PDE8A: variants seen among roughly 807,000 people sequenced by gnomAD.
The protein encoded by PDE8A is high affinity cAMP-specific and IBMX-insensitive 3',5'-cyclic phosphodiesterase 8A.
PDE8A carries 59 observed loss-of-function variants against 105.0 expected under a neutral mutation model. The ratio of observed to expected loss-of-function variants is 0.56; its 90% CI spans 0.46 to 0.70. The LOEUF is 0.70. Among genes scored for constraint, PDE8A ranks in the 30% least tolerant of loss-of-function variants. The pLI, the probability that PDE8A is intolerant of heterozygous loss-of-function variation, is 0.00. For missense variants in PDE8A, 1,014 were observed against 1,045.9 expected (o/e 0.97, Z 0.42); for synonymous variants, 355 against 371.9 (o/e 0.95, Z 0.52).
Position 85,051,783 on chromosome 15 carries a change from C to T in PDE8A, c.187-12587C>T, listed in dbSNP as rs1321105125. On this transcript the variant is annotated intron_variant, in intron 1 of 21. Transcript: ENST00000394553. ...GCTCCATCCGTGTTTGTGCAAAGGA[C>T]GTGATCGTTTTCCTTTTTATGGCTG... Among the ~76,000 whole-genome samples the T allele has an allele frequency of 5.3e-5, 8 of 151,972 alleles. No homozygotes were observed. The East Asian group carries it at 1.5e-3, about 29-fold the overall frequency.
intron 1 of PDE8A, among the ~76,000 whole-genome samples, chr15:84,986,845 C>A (rs2079810563): frequency 6.6e-6 from 1 of 152,118 alleles, no homozygotes; most frequent in Admixed American, 6.5e-5. Flanking sequence ...AACTCCTGGG[C>A]TCCTGTGATT....
At chr15:85,013,563 C>A (rs1026529981) in intron 1 of PDE8A, among the ~76,000 whole-genome samples, 2 of 152,168 alleles carry the variant, frequency 1.3e-5, no homozygotes, top group Non-Finnish European at 2.9e-5. Flanking sequence ...TGTAATTACT[C>A]AACTTAGTAT....
At chr15:85,066,809 T>C (rs977122755) in intron 2 of PDE8A, among the ~76,000 whole-genome samples, 2 of 151,990 alleles carry the variant, frequency 1.3e-5, no homozygotes, top group African/African-American at 4.8e-5. Context: ...CATGGTGGCA[T>C]GTGCCTGTGG....
intron 1 of PDE8A, among the ~76,000 whole-genome samples, chr15:85,021,412 C>A (rs2080424319): frequency 6.6e-6 from 1 of 151,902 alleles, no homozygotes; most frequent in African/African-American, 2.4e-5. Context: ...GCATGGTGGC[C>A]TTTGCCCGTA....
At chr15:85,092,899 A>G (rs1002035604) in intron 8 of PDE8A, among the ~76,000 whole-genome samples, 2 of 145,860 alleles carry the variant, frequency 1.4e-5, no homozygotes, top group East Asian at 2.1e-4. Context: ...TCATCAAATT[A>G]TTGACCCCTA....
chr15:85,013,935 C>G (rs1397719632), intron 1 of PDE8A, among the ~76,000 whole-genome samples: 3 of 152,136 alleles, frequency 2.0e-5, no homozygotes, highest in Non-Finnish European at 4.4e-5. Flanking sequence ...CAGGGCTGCT[C>G]AGGTACCCGC....
At chr15:85,083,234 C>T (rs530128378) in intron 5 of PDE8A, among the ~76,000 whole-genome samples, 34 of 152,296 alleles carry the variant, frequency 2.2e-4, no homozygotes, top group African/African-American at 7.9e-4. Context: ...TCCTCCTCCA[C>T]ATGTTCTAGC....
chr15:85,086,408 A>G (rs575923099), intron 6 of PDE8A, among the ~76,000 whole-genome samples: 1 of 152,260 alleles, frequency 6.6e-6, no homozygotes, highest in Non-Finnish European at 1.5e-5. Context: ...CTAACTGGGA[A>G]AAATATGTTT....
intron 1 of PDE8A, among the ~76,000 whole-genome samples, chr15:85,014,475 G>C (rs1218723754): frequency 6.6e-6 from 1 of 152,128 alleles, no homozygotes; most frequent in Non-Finnish European, 1.5e-5. Flanking sequence ...ATAAATGCTT[G>C]TTTCTTGTTC....
intron 1 of PDE8A, among the ~76,000 whole-genome samples, chr15:85,010,776 G>C (rs1352537895): frequency 6.6e-6 from 1 of 152,152 alleles, no homozygotes; most frequent in African/African-American, 2.4e-5. Context: ...ACATTTTTGA[G>C]ATAATAGTGA....
rs1293556649 is a variant in PDE8A at position 85,120,778 on chromosome 15, A to G, written c.1735-19A>G. On this transcript the variant is annotated intron_variant, in intron 17 of 21. Transcript: ENST00000394553. ...CTTCAGTGTCATACCCCAGTTTTTAAAAGCTCTCTTGTTTTCAGGAAACTT... is the reference window on the plus strand; with the variant it reads ...CTTCAGTGTCATACCCCAGTTTTTAGAAGCTCTCTTGTTTTCAGGAAACTT... 6.4e-7 allele frequency: 1 copy of G among 1,552,264 alleles called. No individual in the cohort carries two copies. Among genetic ancestry groups the G allele is most frequent in the Admixed American group, 1.9e-5 (1 of 53,486 alleles).
chr15:84,997,693 A>G (rs1418202745), intron 1 of PDE8A, among the ~76,000 whole-genome samples: 1 of 152,020 alleles, frequency 6.6e-6, no homozygotes, highest in Non-Finnish European at 1.5e-5. Flanking sequence ...CCCAGGTTCA[A>G]GCAATTCTCC....
intron 1 of PDE8A, chr15:85,062,446 TA>T (rs2081161338): frequency 6.6e-6 from 1 of 152,180 alleles, no homozygotes; most frequent in Admixed American, 6.5e-5. Context: ...TCAAAGGGGA[TA>T]AAAGAGAAAA....
chr15:85,017,712 C>G (rs2080349519), intron 1 of PDE8A, among the ~76,000 whole-genome samples: 1 of 151,760 alleles, frequency 6.6e-6, no homozygotes, highest in Non-Finnish European at 1.5e-5. Flanking sequence ...CATGGTGAAA[C>G]CCTGTCTCTA....
intron 8 of PDE8A, among the ~76,000 whole-genome samples, chr15:85,093,244 G>GT (rs2081679002): frequency 6.6e-6 from 1 of 152,156 alleles, no homozygotes; most frequent in African/African-American, 2.4e-5. Context: ...TATTTGTTTC[G>GT]TTTTTCACAG....
intron 1 of PDE8A, among the ~76,000 whole-genome samples, chr15:85,021,061 T>C (rs2080417949): frequency 6.6e-6 from 1 of 152,154 alleles, no homozygotes; most frequent in African/African-American, 2.4e-5. Flanking sequence ...TGGGAGATGA[T>C]TAGGTCATGG....
intron 20 of PDE8A, among the ~76,000 whole-genome samples, chr15:85,136,123 C>G (rs2082405341): frequency 1.3e-5 from 2 of 152,232 alleles, no homozygotes; most frequent in African/African-American, 2.4e-5. Flanking sequence ...TCTCACTCCC[C>G]ACCCTGACCT....
chr15:84,983,289 T>C (rs1331803269), intron 1 of PDE8A, among the ~76,000 whole-genome samples: 1 of 152,270 alleles, frequency 6.6e-6, no homozygotes, highest in Non-Finnish European at 1.5e-5. Flanking sequence ...ACAAAATTCG[T>C]GCATGGCTGC....
intron 8 of PDE8A, among the ~76,000 whole-genome samples, chr15:85,092,431 G>T (rs1412042690): frequency 3.3e-5 from 5 of 151,962 alleles, no homozygotes; most frequent in African/African-American, 1.2e-4. Flanking sequence ...CAGGTGCTCA[G>T]GTGCACCATG....
Sources: allele counts gnomAD v4.1 joint callset (sites outside exome capture counted in the v4.1 genomes callset), GRCh38; gene constraint gnomAD v4.1.1; transcripts MANE v1.5; gene names NCBI Gene and HGNC (gene_info 2026-07-23, HGNC 2026-07-21).